ANKS1B: variants seen among roughly 807,000 people sequenced by gnomAD.
ANKS1B encodes the protein ankyrin repeat and sterile alpha motif domain-containing protein 1B.
Under a neutral mutation model 148.3 loss-of-function variants are expected in ANKS1B, and 36 were observed. The ratio of observed to expected loss-of-function variants is 0.24; its 90% confidence interval spans 0.19 to 0.32. The LOEUF (loss-of-function observed/expected upper bound fraction) is 0.32, where lower values mean the gene tolerates loss of function less well. Among genes scored for constraint, ANKS1B ranks in the 10% least tolerant of loss-of-function variants. ANKS1B has a pLI of 1.00. For missense variants in ANKS1B, 1,157 were observed against 1,542.6 expected, an observed-to-expected ratio of 0.75 and a Z score of 4.19; for synonymous variants, 542 against 560.8, an observed-to-expected ratio of 0.97 and a Z score of 0.47.
At chr12:99,152,906 T>C (rs1165245924) in intron 15 of ANKS1B, among the ~76,000 whole-genome samples, 1 of 152,180 alleles carries the variant, frequency 6.6e-6, no homozygotes, top group Non-Finnish European at 1.5e-5. Flanking sequence ...CCCAGTGTTC[T>C]AAGACTTTCA....
intron 17 of ANKS1B, among the ~76,000 whole-genome samples, chr12:99,049,562 C>G (rs1598994321): frequency 2.6e-5 from 4 of 152,168 alleles, no homozygotes; most frequent in Admixed American, 2.6e-4. Flanking sequence ...AATCTCTTAG[C>G]ACATCTCCAA....
At chr12:99,314,891 T>C (rs1228702747) in intron 12 of ANKS1B, among the ~76,000 whole-genome samples, 1 of 152,176 alleles carries the variant, frequency 6.6e-6, no homozygotes, top group East Asian at 1.9e-4. Context: ...CCAAAAGCAA[T>C]TGCGACAAAA....
chr12:99,555,700 T>C (rs2153183140), intron 9 of ANKS1B, among the ~76,000 whole-genome samples: 1 of 152,302 alleles, frequency 6.6e-6, no homozygotes, highest in South Asian at 2.1e-4. Flanking sequence ...GATGATCATG[T>C]GGTTTTTGTT....
chr12:99,515,691 T>C (rs142424375), intron 9 of ANKS1B, among the ~76,000 whole-genome samples: 8 of 152,166 alleles, frequency 5.3e-5, no homozygotes, highest in Admixed American at 1.3e-4. Flanking sequence ...GGGGTGTATA[T>C]AACCAGCAAT....
intron 9 of ANKS1B, among the ~76,000 whole-genome samples, chr12:99,573,274 G>A (rs1029246295): frequency 1.6e-4 from 25 of 151,954 alleles, no homozygotes; most frequent in Admixed American, 1.1e-3. Flanking sequence ...TTCTATTCCT[G>A]GAGTAGATTC....
In ANKS1B at chr12:98,915,868, G is replaced by A. The variant is rs571192126; in HGVS notation, c.2779-83732C>T. On this transcript the variant is annotated intron_variant, in intron 17 of 26. Coordinates refer to ENST00000683438, the MANE Select transcript of ANKS1B (RefSeq NM_001352186.2). ...CGGGCAGAACCAAGACTCAAATCCA[G>A]CTTTCCTGCCGCCCCATCTAGCTCT... Among the ~76,000 whole-genome samples the A allele has an allele frequency of 4.6e-5, 7 of 152,304 alleles. No homozygotes were observed. In the East Asian group the frequency reaches 1.4e-3, roughly 29 times the overall value.
At chr12:99,257,925 T>G (rs2075467226) in intron 12 of ANKS1B, among the ~76,000 whole-genome samples, 1 of 152,150 alleles carries the variant, frequency 6.6e-6, no homozygotes, top group South Asian at 2.1e-4. Context: ...CCCTCCTCTC[T>G]TCTATCAGAT....
At chr12:99,216,939 C>A (rs1015977488) in intron 14 of ANKS1B, among the ~76,000 whole-genome samples, 1 of 152,142 alleles carries the variant, frequency 6.6e-6, no homozygotes, top group Admixed American at 6.5e-5. Context: ...AAGATGCAGT[C>A]CTCATCCCCT....
chr12:99,581,752 G>A (rs528764994), intron 9 of ANKS1B, among the ~76,000 whole-genome samples: 71 of 151,776 alleles, frequency 4.7e-4, no homozygotes, highest in Non-Finnish European at 9.0e-4. Context: ...TTAGCCGGGC[G>A]CGGTGGCGGG....
At chr12:99,833,316 T>C (rs2084322387) in intron 1 of ANKS1B, among the ~76,000 whole-genome samples, 1 of 152,224 alleles carries the variant, frequency 6.6e-6, no homozygotes, top group African/African-American at 2.4e-5. Context: ...GTCAGTGTTT[T>C]AGAATAAGAG....
chr12:99,583,579 C>T (rs559910790), intron 9 of ANKS1B, among the ~76,000 whole-genome samples: 18 of 152,236 alleles, frequency 1.2e-4, no homozygotes, highest in African/African-American at 4.3e-4. Context: ...CTTTTTAGAT[C>T]AAATGGCTGT....
At chr12:99,448,016 G>A (rs12296827) in intron 10 of ANKS1B, among the ~76,000 whole-genome samples, 2,231 of 152,194 alleles carry the variant, frequency 0.015, 74 homozygotes, top group African/African-American at 0.051. Flanking sequence ...AGGTAAATTA[G>A]TACAGCCATT....
chr12:98,743,665 G>A (rs546547882), downstream of ANKS1B, among the ~76,000 whole-genome samples: 15 of 152,298 alleles, frequency 9.8e-5, no homozygotes, highest in South Asian at 1.0e-3. Flanking sequence ...ACATACCATC[G>A]AGGCTGTGCT....
chr12:98,815,928 G>A (rs931644601), intron 19 of ANKS1B, among the ~76,000 whole-genome samples: 3 of 152,108 alleles, frequency 2.0e-5, no homozygotes, highest in South Asian at 4.2e-4. Context: ...TGAAAGCCAG[G>A]TCATTCCACT....
intron 8 of ANKS1B, among the ~76,000 whole-genome samples, chr12:99,761,065 C>CAAAAAAAAA (rs60542272): frequency 4.1e-5 from 4 of 98,710 alleles, no homozygotes; most frequent in Non-Finnish European, 3.9e-5. Flanking sequence ...GCCTAACAAC[C>CAAAAAAAAA]AAAAAAAAAA....
chr12:99,360,085 T>C (rs1036759470), intron 12 of ANKS1B, among the ~76,000 whole-genome samples: 1 of 152,254 alleles, frequency 6.6e-6, no homozygotes, highest in Admixed American at 6.5e-5. Flanking sequence ...CTACTTTGAA[T>C]TGGAATTTTT....
rs373422816 is a variant in ANKS1B at position 99,617,533 on chromosome 12, G to T, written c.1272+37534C>A. ...CCATCATTCTCAGCAAACTAACACA[G>T]GAACAGAAAACCAAACACCACACAT... On this transcript the variant is annotated intron_variant, in intron 9 of 26. Transcript: ENST00000683438. Among the ~76,000 whole-genome samples, 290 of 152,110 alleles carry T rather than the reference G, an allele frequency of 1.9e-3. 2 individuals are homozygous for T. The highest frequency in any genetic ancestry group is 6.8e-3 in the African/African-American group (284 of 41,472).
intron 10 of ANKS1B, among the ~76,000 whole-genome samples, chr12:99,499,210 A>T (rs2096632693): frequency 6.6e-6 from 1 of 152,152 alleles, no homozygotes; most frequent in African/African-American, 2.4e-5. Flanking sequence ...ATCATTTTTT[A>T]AAAACCACAA....
At chr12:98,735,496 A>G in exon 10 of ANKS1B, 1 of 627,132 alleles carries the variant, frequency 1.6e-6, no homozygotes, top group Non-Finnish European at 3.1e-6. Context: ...AAAGTGAAGG[A>G]TTCAAGCTAA....
Sources: allele counts gnomAD v4.1 joint callset (sites outside exome capture counted in the v4.1 genomes callset), GRCh38; gene constraint gnomAD v4.1.1; transcripts MANE v1.5; gene names NCBI Gene and HGNC (gene_info 2026-07-23, HGNC 2026-07-21).